Variants in ZNF462 observed in about 807,000 individuals in gnomAD.
The protein encoded by ZNF462 is zinc finger protein 462.
In ZNF462, 10 loss-of-function variants were observed where a neutral mutation model predicts 201.9. The ratio of observed to expected loss-of-function variants is 0.05; its 90% CI spans 0.03 to 0.08. The LOEUF is 0.08. ZNF462 is among the 10% of genes least tolerant of loss of function. ZNF462 has a pLI of 1.00. For synonymous variants in ZNF462, 1,227 were observed against 1,193.3 expected, an observed-to-expected ratio of 1.03 and a Z score of -0.58; for missense variants, 2,523 against 3,168.3, an observed-to-expected ratio of 0.80 and a Z score of 4.89.
chr9:106,997,157 T>C (rs1354336661), intron 10 of ZNF462, among the ~76,000 whole-genome samples: 3 of 152,056 alleles, frequency 2.0e-5, no homozygotes, highest in Non-Finnish European at 4.4e-5. Flanking sequence ...AAATTGTACA[T>C]ATGTAAGGTG....
upstream of ZNF462, among the ~76,000 whole-genome samples, chr9:106,861,047 T>C (rs1827052376): frequency 6.6e-6 from 1 of 151,732 alleles, no homozygotes; most frequent in Admixed American, 6.6e-5. Context: ...TTCCTCTCCC[T>C]CCCCCTCCTT....
chr9:106,924,914 A>G lies in ZNF462; in HGVS notation c.1002A>G (p.Ser334=). The change falls in exon 3 of 13, where the codon TCA becomes TCG. Residue 334 remains serine, a synonymous_variant. Coordinates refer to ENST00000277225, the MANE Select transcript of ZNF462 (RefSeq NM_021224.6). This position sits in a 1 kb window ranked among gnomAD's most constrained non-coding sequence, Gnocchi z 6.2. ...ACTCCATCATGAGACCCAATTCTTCAGCTTCCAAGTTTTCGCCCATGTCTT... is the reference window on the plus strand; with the variant it reads ...ACTCCATCATGAGACCCAATTCTTCGGCTTCCAAGTTTTCGCCCATGTCTT... ...MGNSIMRPNS[S]ASKFSPMSYP... 1 of 1,614,192 alleles carries G rather than the reference A, an allele frequency of 6.2e-7. No individual in the cohort carries two copies. Among genetic ancestry groups the G allele is most frequent in the Non-Finnish European group, 8.5e-7 (1 of 1,180,054 alleles).
chr9:106,924,494 T>C lies in ZNF462; in HGVS notation c.582T>C (p.Ala194=). Residue 194 remains alanine, a synonymous_variant, in exon 3 of 13, where the codon GCT becomes GCC. Transcript: ENST00000277225. The surrounding 1 kb of genome is among the most constrained non-coding windows in gnomAD (Gnocchi z 6.2). ...AAAACAATTTGAAGGAGACCACTGC[T>C]CCCCCACCTGCTCCTGCTCCAATGC... The part of the protein sequence containing the change: ...YHKNNLKETT[A]PPPAPAPMPD... 6.2e-7 allele frequency: 1 copy of C among 1,613,876 alleles called. No homozygotes were observed. The highest frequency in any genetic ancestry group is 8.5e-7 in the Non-Finnish European group (1 of 1,179,976).
At chr9:106,921,700 G>T (rs779141872) in intron 1 of ZNF462, among the ~76,000 whole-genome samples, 3 of 152,192 alleles carry the variant, frequency 2.0e-5, no homozygotes, top group Non-Finnish European at 2.9e-5. Context: ...AAATGCAGGA[G>T]TTGTCTGCAC....
At position 107,006,022 on chromosome 9, in the gene ZNF462, AT is replaced by A. The variant is rs1829519689; in HGVS notation, c.7189+2598del. 6.6e-6 allele frequency among the ~76,000 whole-genome samples: 1 copy of A among 152,078 alleles called. No individual in the cohort carries two copies. The highest frequency in any genetic ancestry group is 2.4e-5 in the African/African-American group (1 of 41,408). On this transcript the variant is annotated intron_variant, in intron 11 of 12. Transcript: ENST00000277225. This position sits in a 1 kb window ranked among gnomAD's most constrained non-coding sequence, Gnocchi z 4.3. ...GTGTGGATTTATTTCTGGGCTCTCT[AT>A]TCTGTTCTGTTGGTCTGTGTATCTG... is the stretch of plus-strand genomic sequence containing the variant.
In ZNF462 at chr9:106,950,617, C is replaced by T; in HGVS notation, c.6427+11510C>T. Among the ~76,000 whole-genome samples, 1 of 152,174 alleles carries T rather than the reference C, an allele frequency of 6.6e-6. No homozygotes were observed. Among genetic ancestry groups the T allele is most frequent in the East Asian group, 1.9e-4 (1 of 5,206 alleles). On this transcript the variant is annotated intron_variant, in intron 7 of 12. Transcript: ENST00000277225. The surrounding 1 kb of genome is among the most constrained non-coding windows in gnomAD (Gnocchi z 4.1). ...CATAATAATTGTCATAACTAAACCA[C>T]AGGCAGACAGTGAAGTGTAAGTGCA... is the stretch of plus-strand genomic sequence containing the variant.
chr9:106,925,679 G>A lies in ZNF462; in HGVS notation c.1767G>A (p.Gln589=). 9.3e-6 allele frequency: 15 copies of A among 1,614,062 alleles called. No individual in the cohort carries two copies. The highest frequency in any genetic ancestry group is 1.3e-5 in the Non-Finnish European group (15 of 1,180,024). ...QTQPPPTQQP[Q]PPTQAAPLHP... is the part of the protein sequence containing the mutation. ...AGCCACCACCAACGCAGCAGCCACA[G>A]CCACCCACACAAGCCGCACCTCTGC... The change falls in exon 3 of 13, where the codon CAG becomes CAA. Residue 589 remains glutamine (Q), a synonymous_variant. Coordinates refer to ENST00000277225, the MANE Select transcript of ZNF462 (RefSeq NM_021224.6). This position sits in a 1 kb window ranked among gnomAD's most constrained non-coding sequence, Gnocchi z 7.9.
In ZNF462 at chr9:106,978,768, G is replaced by A. The variant is rs1390482503; in HGVS notation, c.6832+4495G>A. The A allele has an allele frequency of 1.3e-5, 2 of 157,696 alleles. No homozygotes were observed. The highest frequency in any genetic ancestry group is 4.9e-5 in the African/African-American group (2 of 40,896). 9.8% of individuals were successfully genotyped at this position (157,696 alleles called of 1,614,324 possible). ...ATTTTTATATACAGAAAACTGAACA[G>A]TGTACATTTAACCCAGTTTAGTGGC... On this transcript the variant is annotated intron_variant, in intron 9 of 12. Coordinates refer to ENST00000277225, the MANE Select transcript of ZNF462 (RefSeq NM_021224.6). This position sits in a 1 kb window ranked among gnomAD's most constrained non-coding sequence, Gnocchi z 4.1.
intron 10 of ZNF462, among the ~76,000 whole-genome samples, chr9:106,990,323 T>C (rs1038383405): frequency 6.6e-5 from 10 of 152,088 alleles, no homozygotes; most frequent in Non-Finnish European, 1.5e-4. Context: ...TTATTGAGGC[T>C]CATTCTATGG....
In ZNF462 at chr9:106,939,861, A is replaced by G. The variant is rs143004430; in HGVS notation, c.6427+754A>G. 2.0e-5 allele frequency among the ~76,000 whole-genome samples: 3 copies of G among 152,328 alleles called. No homozygotes were observed. In the East Asian group the frequency reaches 5.8e-4, roughly 29 times the overall value. On this transcript the variant is annotated intron_variant, in intron 7 of 12. Coordinates refer to ENST00000277225, the MANE Select transcript of ZNF462 (RefSeq NM_021224.6). ...TTGATTTCTCATCTCACCTCAAATG[A>G]TTGCAGAATCAGCTGCTTAGAAGAG...
intron 1 of ZNF462, among the ~76,000 whole-genome samples, chr9:106,881,079 T>G (rs910179141): frequency 6.6e-6 from 1 of 152,292 alleles, no homozygotes; most frequent in African/African-American, 2.4e-5. Context: ...CTTCGCCAGA[T>G]GAGTAAGGAC....
rs1344328046 is a variant in ZNF462, at chr9:106,968,693, G to A, written c.6428-3312G>A. 2.6e-5 allele frequency among the ~76,000 whole-genome samples: 4 copies of A among 152,150 alleles called. No individual in the cohort carries two copies. Among genetic ancestry groups the A allele is most frequent in the South Asian group, 4.1e-4 (2 of 4,832 alleles). On this transcript the variant is annotated intron_variant, in intron 7 of 12. Coordinates refer to ENST00000277225, the MANE Select transcript of ZNF462 (RefSeq NM_021224.6). The surrounding 1 kb of genome is among the most constrained non-coding windows in gnomAD (Gnocchi z 4.0). ...AAAGATCTAACTTGTGTGAGCCGCA[G>A]TTGGGTGCAGAACTTCCCACTGAAT...
chr9:106,874,018 A>G (rs1827717127), intron 1 of ZNF462, among the ~76,000 whole-genome samples: 1 of 152,244 alleles, frequency 6.6e-6, no homozygotes, highest in South Asian at 2.1e-4. Flanking sequence ...GTACTAGAGA[A>G]GGCCACAGAG....
At chr9:106,916,961 C>T (rs1393400676) in intron 1 of ZNF462, among the ~76,000 whole-genome samples, 1 of 152,224 alleles carries the variant, frequency 6.6e-6, no homozygotes, top group Admixed American at 6.5e-5. Context: ...CCTTTCTTTT[C>T]TTGTCCCTTC....
At position 106,870,988 on chromosome 9, in the gene ZNF462, C is replaced by G. The variant is rs987222921; in HGVS notation, c.-31+7633C>G. Among the ~76,000 whole-genome samples, 1 of 152,130 alleles carries G rather than the reference C, an allele frequency of 6.6e-6. No individual in the cohort carries two copies. On this transcript the variant is annotated intron_variant, in intron 1 of 12. Coordinates refer to ENST00000277225, the MANE Select transcript of ZNF462 (RefSeq NM_021224.6). The surrounding 1 kb of genome is among the most constrained non-coding windows in gnomAD (Gnocchi z 4.3). ...GTCAGCTGAGTGTTTCTCTTTTGAA[C>G]TGGGAAATGCCAGAGGCTGGGGGGT... is the stretch of plus-strand genomic sequence containing the variant.
rs1359853892 is a variant in ZNF462 at position 106,917,809 on chromosome 9, GTTGCTTGTTGGTTTATT to G, written c.-30-5539_-30-5523del. Among the ~76,000 whole-genome samples the G allele has an allele frequency of 6.6e-6, 1 of 151,200 alleles. No individual in the cohort carries two copies. Among genetic ancestry groups the G allele is most frequent in the East Asian group, 1.9e-4 (1 of 5,174 alleles). ...TGTTGGAGGTAGCTTGTTGTTGGAA[GTTGCTTGTTGGTTTATT>G]TTGCTGGTTTATTATTTTTTTATAT... On this transcript the variant is annotated intron_variant, in intron 1 of 12. Transcript: ENST00000277225. This position sits in a 1 kb window ranked among gnomAD's most constrained non-coding sequence, Gnocchi z 4.5.
Position 106,932,162 on chromosome 9 carries a change from G to T in ZNF462, c.6013-284G>T. The T allele has an allele frequency of 6.7e-7, 1 of 1,489,554 alleles. No individual in the cohort carries two copies. Among genetic ancestry groups the T allele is most frequent in the South Asian group, 1.3e-5 (1 of 74,582 alleles). 92.3% of individuals were successfully genotyped at this position (1,489,554 alleles called of 1,614,324 possible). A position where few individuals can be genotyped will look rare whatever the true frequency, so the allele number is the denominator to read the frequency against. On this transcript the variant is annotated intron_variant, in intron 4 of 12. Transcript: ENST00000277225. The surrounding 1 kb of genome is among the most constrained non-coding windows in gnomAD (Gnocchi z 6.8). ...GGAGGAAGCTTTGACAAGAAGTGCT[G>T]TTGAGTTTGGGAGAATGTAGGGAGA...
chr9:106,939,012 C>T lies in ZNF462; in HGVS notation c.6332C>T (p.Thr2111Ile), dbSNP rs1323570965. ...CTCAAGGTCCACGGAAAAGCCCTGA[C>T]CCTCCCCAGGCCACGGATCGTCAGT... is the stretch of plus-strand genomic sequence containing the variant. ...HSLKVHGKAL[T>I]LPRPRIVSLL... The change falls in exon 7 of 13, where the codon ACC (threonine) becomes ATC (isoleucine). Residue 2111 changes from threonine to isoleucine, a missense_variant. Around this residue, in one of 15 missense-constraint regions of ZNF462, gnomAD observed 138 missense variants for 146.3 expected, o/e 0.94. Coordinates refer to ENST00000277225, the MANE Select transcript of ZNF462 (RefSeq NM_021224.6). 6.2e-7 allele frequency: 1 copy of T among 1,614,044 alleles called. No individual in the cohort carries two copies. Among genetic ancestry groups the T allele is most frequent in the Non-Finnish European group, 8.5e-7 (1 of 1,179,968 alleles).
chr9:106,983,428 G>A (rs1351968098), intron 9 of ZNF462, among the ~76,000 whole-genome samples: 2 of 152,114 alleles, frequency 1.3e-5, no homozygotes, highest in Non-Finnish European at 2.9e-5. Flanking sequence ...TGGAGTTTTA[G>A]TGAATGAAAG....
Sources: gnomAD v4.1 joint callset for allele counts (sites outside exome capture counted in the v4.1 genomes callset) on GRCh38, gnomAD v4.1.1 for gene constraint, gnomAD v4.1.1 regional missense constraint, Gnocchi (gnomAD v3.1) non-coding constraint, MANE v1.5 for transcripts, NCBI Gene and HGNC (gene_info 2026-07-23, HGNC 2026-07-21) for gene names.